Variants in KLHL6 observed in about 807,000 individuals in gnomAD.
The protein encoded by KLHL6 is kelch-like protein 6.
In KLHL6, 41 loss-of-function variants were observed where a neutral mutation model predicts 58.6. That is an observed-to-expected ratio of 0.70 (90% CI 0.55 to 0.91). The LOEUF (loss-of-function observed/expected upper bound fraction) is 0.91. Among genes scored for constraint, KLHL6 ranks in the 40% least tolerant of loss-of-function variants. The pLI is 0.00. For synonymous variants in KLHL6, 338 were observed against 322.7 expected, an observed-to-expected ratio of 1.05 and a Z score of -0.51; for missense variants, 714 against 805.6, an observed-to-expected ratio of 0.89 and a Z score of 1.38.
At chr3:183,548,409 G>T (rs942559602) in intron 1 of KLHL6, among the ~76,000 whole-genome samples, 1 of 152,052 alleles carries the variant, frequency 6.6e-6, no homozygotes, top group African/African-American at 2.4e-5. Flanking sequence ...GCATAGAAAA[G>T]CTTCCAGGCT....
intron 2 of KLHL6, among the ~76,000 whole-genome samples, chr3:183,527,382 TAA>T (rs764065841): frequency 6.6e-6 from 1 of 152,208 alleles, no homozygotes; most frequent in African/African-American, 2.4e-5. Flanking sequence ...CTTTACTATT[TAA>T]AAAGTTTTTA....
chr3:183,535,907 C>G (rs962747529), intron 1 of KLHL6, among the ~76,000 whole-genome samples: 1 of 152,206 alleles, frequency 6.6e-6, no homozygotes, highest in African/African-American at 2.4e-5. Context: ...TCCTGAGTAG[C>G]TAGGGCTACA....
Position 183,531,049 on chromosome 3 carries a change from G to C in KLHL6, c.294-3039C>G, listed in dbSNP as rs189991782. Among the ~76,000 whole-genome samples, 4 of 152,162 alleles carry C rather than the reference G, an allele frequency of 2.6e-5. No individual in the cohort carries two copies. In the East Asian group the frequency reaches 7.7e-4, roughly 29 times the overall value. ...GGGTTTCGCCATGTTGGCCAGGCTG[G>C]TCTCAAACTCCTGACGTCAGGTGAT... On this transcript the variant is annotated intron_variant, in intron 1 of 6. Coordinates refer to ENST00000341319, the MANE Select transcript of KLHL6 (RefSeq NM_130446.4).
chr3:183,490,277 CTG>C lies in KLHL6; in HGVS notation c.*1648_*1649del, dbSNP rs1717507300. Reference sequence around the variant, plus strand: ...GTATCAGGAACGTGGACCTAAATCACTGTGTAAAAACTAGAAAGTGTACCATC... The same window carrying C: ...GTATCAGGAACGTGGACCTAAATCACTGTAAAAACTAGAAAGTGTACCATC... On this transcript the variant is annotated 3_prime_UTR_variant, in exon 7 of 7. Coordinates refer to ENST00000341319, the MANE Select transcript of KLHL6 (RefSeq NM_130446.4). 6.6e-6 allele frequency: 1 copy of C among 152,176 alleles called. No individual in the cohort carries two copies. The highest frequency in any genetic ancestry group is 2.1e-4 in the South Asian group (1 of 4,830). 9.4% of individuals were successfully genotyped at this position (152,176 alleles called of 1,614,324 possible). A position where few individuals can be genotyped will look rare whatever the true frequency, so the allele number is the denominator to read the frequency against.
In KLHL6 at chr3:183,555,373, C is replaced by A; in HGVS notation, c.281G>T (p.Ser94Ile). The change falls in exon 1 of 7, where the codon AGC (serine) becomes ATC (isoleucine). Residue 94 changes from serine to isoleucine, a missense_variant. Ser to Ile is a moderately radical substitution (Grantham distance 142). Transcript: ENST00000341319. ...SCHRVVLAAA[S>I]NYFRAMFCND... Reference sequence around the variant, plus strand: ...TAGGCATGCTGACCTGAAATAGTTGCTGGCTGCGGCAAGCACCACGCGGTG... The same window carrying A: ...TAGGCATGCTGACCTGAAATAGTTGATGGCTGCGGCAAGCACCACGCGGTG... The A allele has an allele frequency of 6.2e-7, 1 of 1,613,884 alleles. No homozygotes were observed. The highest frequency in any genetic ancestry group is 8.5e-7 in the Non-Finnish European group (1 of 1,179,862).
intron 1 of KLHL6, among the ~76,000 whole-genome samples, chr3:183,555,140 G>A (rs944465369): frequency 2.0e-5 from 3 of 151,946 alleles, no homozygotes; most frequent in African/African-American, 7.3e-5. Context: ...ACTCCAGCCT[G>A]GGCAACAAAA....
intron 3 of KLHL6, among the ~76,000 whole-genome samples, chr3:183,506,760 C>T (rs1042147009): frequency 8.6e-5 from 13 of 151,444 alleles, no homozygotes; most frequent in African/African-American, 9.7e-5. Flanking sequence ...CCTGGGAGGT[C>T]GAGGCTGCAG....
chr3:183,490,319 G>A lies in KLHL6; in HGVS notation c.*1608C>T, dbSNP rs898915565. ...AGTGTACCATCAAGGAGAATCTGTC[G>A]CTCCTGTGTAGGCCAGCTGTGCTCA... On this transcript the variant is annotated 3_prime_UTR_variant, in exon 7 of 7. Transcript: ENST00000341319. 8 of 152,136 alleles carry A rather than the reference G, an allele frequency of 5.3e-5. No individual in the cohort carries two copies. Among genetic ancestry groups the A allele is most frequent in the African/African-American group, 1.2e-4 (5 of 41,414 alleles). 9.4% of individuals were successfully genotyped at this position (152,136 alleles called of 1,614,324 possible).
rs1349953312 is a variant in KLHL6, at chr3:183,489,530, G to A, written c.*2397C>T. 1 of 152,194 alleles carries A rather than the reference G, an allele frequency of 6.6e-6. No individual in the cohort carries two copies. The highest frequency in any genetic ancestry group is 2.4e-5 in the African/African-American group (1 of 41,440). 9.4% of individuals were successfully genotyped at this position (152,194 alleles called of 1,614,324 possible). A position where few individuals can be genotyped will look rare whatever the true frequency, so the allele number is the denominator to read the frequency against. On this transcript the variant is annotated 3_prime_UTR_variant, in exon 7 of 7. Coordinates refer to ENST00000341319, the MANE Select transcript of KLHL6 (RefSeq NM_130446.4). ...TAGCGTGGAGATTTGCCATTCGTGG[G>A]TGTCCTCAAGGCTTGACAGACATGA...
chr3:183,550,425 A>G (rs1394052177), intron 1 of KLHL6, among the ~76,000 whole-genome samples: 1 of 151,482 alleles, frequency 6.6e-6, no homozygotes, highest in African/African-American at 2.4e-5. Flanking sequence ...AAACACACAT[A>G]CACACACACA....
At chr3:183,535,369 G>A (rs1712331825) in intron 1 of KLHL6, among the ~76,000 whole-genome samples, 3 of 152,200 alleles carry the variant, frequency 2.0e-5, no homozygotes, top group Non-Finnish European at 4.4e-5. Flanking sequence ...CTGAACTCAG[G>A]TGTTGGGGTC....
intron 1 of KLHL6, among the ~76,000 whole-genome samples, chr3:183,542,071 A>G (rs1418372364): frequency 8.6e-5 from 13 of 152,042 alleles, no homozygotes; most frequent in Admixed American, 8.5e-4. Flanking sequence ...GCTGCCCTGC[A>G]GGCCCTCAGA....
chr3:183,542,005 C>A (rs916193319), intron 1 of KLHL6, among the ~76,000 whole-genome samples: 9 of 152,044 alleles, frequency 5.9e-5, no homozygotes, highest in Admixed American at 2.0e-4. Context: ...ACCTCACTTC[C>A]CCCTACCCTT....
At position 183,499,550 on chromosome 3, in the gene KLHL6, C is replaced by T. The variant is rs1335450535; in HGVS notation, c.1147+40G>A. 3.6e-6 allele frequency: 5 copies of T among 1,378,124 alleles called. No homozygotes were observed. Among genetic ancestry groups the T allele is most frequent in the South Asian group, 2.7e-5 (2 of 75,028 alleles). The allele number at this position is 1,378,124 out of a possible 1,614,324, so 85.4% of individuals were successfully genotyped here. A position where few individuals can be genotyped will look rare whatever the true frequency, so the allele number is the denominator to read the frequency against. ...CTGCCACTCAGGAATATATGTAGTG[C>T]TACTGGAGCTTGCTTTGCCTTTACA... On this transcript the variant is annotated intron_variant, in intron 4 of 6. Coordinates refer to ENST00000341319, the MANE Select transcript of KLHL6 (RefSeq NM_130446.4). The surrounding 1 kb of genome is among the most constrained non-coding windows in gnomAD (Gnocchi z 4.6).
intron 2 of KLHL6, chr3:183,521,011 A>T (rs1463469895): frequency 6.6e-6 from 1 of 152,162 alleles, no homozygotes; most frequent in Non-Finnish European, 1.5e-5. Flanking sequence ...GAAACCTTGG[A>T]CAATACCCAG....
At chr3:183,546,187 TA>T (rs1194887443) in intron 1 of KLHL6, among the ~76,000 whole-genome samples, 1 of 152,212 alleles carries the variant, frequency 6.6e-6, no homozygotes. Flanking sequence ...AACGTGCTAA[TA>T]ATTACCTTCT....
chr3:183,513,744 C>A (rs535144000), intron 2 of KLHL6, among the ~76,000 whole-genome samples: 143 of 152,126 alleles, frequency 9.4e-4, no homozygotes, highest in African/African-American at 3.1e-3. Context: ...CTGGGACACT[C>A]GTGCAGAATG....
At chr3:183,546,845 C>T (rs906214804) in intron 1 of KLHL6, among the ~76,000 whole-genome samples, 4 of 151,478 alleles carry the variant, frequency 2.6e-5, no homozygotes, top group African/African-American at 9.7e-5. Context: ...AGGAGCCAAG[C>T]AATTCCTCCA....
At position 183,492,357 on chromosome 3, in the gene KLHL6, C is replaced by A. The variant is rs1361587974; in HGVS notation, c.1565-129G>T. 1.2e-5 allele frequency: 16 copies of A among 1,306,328 alleles called. No homozygotes were observed. Among genetic ancestry groups the A allele is most frequent in the Non-Finnish European group, 1.6e-5 (15 of 949,208 alleles). 80.9% of individuals were successfully genotyped at this position (1,306,328 alleles called of 1,614,324 possible). Reference sequence around the variant, plus strand: ...GCCAAGAGAAACAGTCGATTGATGGCTCTCCTGAAAGCCAGAGTGGGTCCT... The same window carrying A: ...GCCAAGAGAAACAGTCGATTGATGGATCTCCTGAAAGCCAGAGTGGGTCCT... On this transcript the variant is annotated intron_variant, in intron 6 of 6. Transcript: ENST00000341319. The surrounding 1 kb of genome is among the most constrained non-coding windows in gnomAD (Gnocchi z 5.9).
Sources: gnomAD v4.1 joint callset for allele counts (sites outside exome capture counted in the v4.1 genomes callset) on GRCh38, gnomAD v4.1.1 for gene constraint, Gnocchi (gnomAD v3.1) non-coding constraint, MANE v1.5 for transcripts, NCBI Gene and HGNC (gene_info 2026-07-23, HGNC 2026-07-21) for gene names.